PAM: variants seen among roughly 807,000 people sequenced by gnomAD.
PAM encodes the protein peptidylglycine alpha-amidating monooxygenase.
A neutral mutation model predicts 122.1 loss-of-function variants in PAM; 72 were observed. The observed-to-expected ratio is 0.59, with a 90% CI of 0.49 to 0.72. The LOEUF (loss-of-function observed/expected upper bound fraction) is 0.72. Among genes scored for constraint, PAM ranks in the 30% least tolerant of loss-of-function variants. PAM has a pLI of 0.00. For missense variants in PAM, 1,106 were observed against 1,183.7 expected, an observed-to-expected ratio of 0.93 and a Z score of 0.96; for synonymous variants, 389 against 404.4, an observed-to-expected ratio of 0.96 and a Z score of 0.46.
chr5:103,015,850 A>G (rs1320226708), intron 21 of PAM, among the ~76,000 whole-genome samples: 4 of 152,134 alleles, frequency 2.6e-5, no homozygotes, highest in Non-Finnish European at 5.9e-5. Flanking sequence ...ACATATTGTG[A>G]TTTATTTAAA....
intron 21 of PAM, among the ~76,000 whole-genome samples, chr5:103,012,657 AT>A (rs1379574451): frequency 6.6e-6 from 1 of 152,096 alleles, no homozygotes; most frequent in Non-Finnish European, 1.5e-5. Flanking sequence ...GATCGAGACC[AT>A]CCTGGCTAAC....
chr5:102,802,508 A>C (rs1765050623), intron 1 of PAM, among the ~76,000 whole-genome samples: 1 of 152,184 alleles, frequency 6.6e-6, no homozygotes, highest in African/African-American at 2.4e-5. Flanking sequence ...GTTGCAGAAG[A>C]GGGCAGATAT....
chr5:103,007,439 C>CA lies in PAM; in HGVS notation c.2015-18_2015-17insA. ...GATTTTTAACATTGTGTATCTAAGG[C>CA]TTTTTTTTGTTCTGCAGAGTCTTCA... On this transcript the variant is annotated splice_polypyrimidine_tract_variant and intron_variant, in intron 19 of 25. Coordinates refer to ENST00000438793, the MANE Select transcript of PAM (RefSeq NM_001177306.2). 6.2e-7 allele frequency: 1 copy of CA among 1,603,330 alleles called. No homozygotes were observed. The highest frequency in any genetic ancestry group is 8.5e-7 in the Non-Finnish European group (1 of 1,171,530).
intron 3 of PAM, among the ~76,000 whole-genome samples, chr5:102,895,192 A>G (rs1795867885): frequency 6.6e-6 from 1 of 151,776 alleles, no homozygotes; most frequent in Admixed American, 6.6e-5. Flanking sequence ...GGCCTTTGAA[A>G]ATACTATTTC....
intron 1 of PAM, among the ~76,000 whole-genome samples, chr5:102,795,262 T>G (rs1763121691): frequency 6.6e-6 from 1 of 150,630 alleles, no homozygotes; most frequent in African/African-American, 2.4e-5. Context: ...AGATGAGTTA[T>G]CCTACTTTGA....
rs115291471 is a variant in PAM at position 102,838,054 on chromosome 5, T to C, written c.-373-27769T>C. 2.1e-3 allele frequency among the ~76,000 whole-genome samples: 317 copies of C among 152,318 alleles called. 1 individual carries two copies. Among genetic ancestry groups the C allele is most frequent in the African/African-American group, 7.2e-3 (299 of 41,590 alleles). ...GCACATGGTTTTATTTGTTTGCTCA[T>C]CTCTAATATGGAAAGAAATTGATTA... On this transcript the variant is annotated intron_variant, in intron 1 of 25. Coordinates refer to ENST00000438793, the MANE Select transcript of PAM (RefSeq NM_001177306.2).
chr5:102,809,319 C>T (rs1159002172), intron 1 of PAM, among the ~76,000 whole-genome samples: 1 of 145,758 alleles, frequency 6.9e-6, no homozygotes, highest in East Asian at 2.0e-4. Flanking sequence ...GGAGACCAGC[C>T]TGAGCAATAA....
intron 12 of PAM, among the ~76,000 whole-genome samples, chr5:102,957,552 G>T (rs573011214): frequency 4.0e-5 from 6 of 150,664 alleles, no homozygotes; most frequent in Admixed American, 2.0e-4. Flanking sequence ...TTTTTGAGAC[G>T]GAGTCTCAGT....
intron 16 of PAM, among the ~76,000 whole-genome samples, chr5:102,992,857 A>G (rs970458496): frequency 1.3e-5 from 2 of 152,108 alleles, no homozygotes; most frequent in Admixed American, 1.3e-4. Flanking sequence ...TTCTAAATCA[A>G]ATTGAAGCAC....
At chr5:102,970,289 T>C (rs75241363) in intron 14 of PAM, among the ~76,000 whole-genome samples, 3,698 of 152,260 alleles carry the variant, frequency 0.024, 151 homozygotes, top group African/African-American at 0.085. Context: ...AAATTAAAAA[T>C]TAAGTTTCTC....
At chr5:103,008,279 A>G (rs1385909754) in intron 20 of PAM, among the ~76,000 whole-genome samples, 3 of 152,062 alleles carry the variant, frequency 2.0e-5, no homozygotes, top group Non-Finnish European at 4.4e-5. Flanking sequence ...TGAAATTTAC[A>G]TACAATTACA....
At chr5:102,879,475 A>G (rs962036212) in intron 3 of PAM, among the ~76,000 whole-genome samples, 2 of 152,066 alleles carry the variant, frequency 1.3e-5, no homozygotes, top group African/African-American at 4.8e-5. Flanking sequence ...GTGATTGGAT[A>G]TGGGGTCATG....
intron 15 of PAM, among the ~76,000 whole-genome samples, chr5:102,985,404 A>G (rs1193450477): frequency 6.6e-6 from 1 of 152,130 alleles, no homozygotes; most frequent in Non-Finnish European, 1.5e-5. Flanking sequence ...CCACAGAAAT[A>G]TAAAGAATCA....
chr5:102,971,308 T>A (rs2150396781), intron 14 of PAM, among the ~76,000 whole-genome samples: 1 of 152,370 alleles, frequency 6.6e-6, no homozygotes, highest in East Asian at 1.9e-4. Flanking sequence ...TAATATTAGC[T>A]GTCTTCTTTA....
chr5:102,769,470 A>C (rs1755115058), intron 1 of PAM, among the ~76,000 whole-genome samples: 1 of 152,068 alleles, frequency 6.6e-6, no homozygotes, highest in African/African-American at 2.4e-5. Flanking sequence ...TTCTTGTAGA[A>C]GTTTCATAGT....
intron 8 of PAM, among the ~76,000 whole-genome samples, chr5:102,947,410 C>T (rs932422562): frequency 3.3e-5 from 5 of 152,064 alleles, no homozygotes; most frequent in African/African-American, 9.7e-5. Flanking sequence ...GATAAGTTAC[C>T]GAGTAACTCA....
intron 1 of PAM, among the ~76,000 whole-genome samples, chr5:102,764,991 T>G (rs1288180994): frequency 6.6e-6 from 1 of 152,254 alleles, no homozygotes; most frequent in Admixed American, 6.5e-5. Flanking sequence ...TTATTCATCA[T>G]GAAGCCTCTT....
intron 15 of PAM, among the ~76,000 whole-genome samples, chr5:102,981,976 A>C (rs1290361587): frequency 6.6e-6 from 1 of 152,114 alleles, no homozygotes; most frequent in African/African-American, 2.4e-5. Flanking sequence ...CCATGTTTTA[A>C]ATTTCCCATG....
At chr5:102,972,366 T>C (rs1239124726) in intron 14 of PAM, among the ~76,000 whole-genome samples, 1 of 152,156 alleles carries the variant, frequency 6.6e-6, no homozygotes, top group African/African-American at 2.4e-5. Flanking sequence ...ACTGCAGCCT[T>C]GAACTCCTGA....
Sources: allele counts gnomAD v4.1 joint callset (sites outside exome capture counted in the v4.1 genomes callset), GRCh38; gene constraint gnomAD v4.1.1; transcripts MANE v1.5; gene names NCBI Gene and HGNC (gene_info 2026-07-23, HGNC 2026-07-21).